Variants in TEX19 observed in about 807,000 individuals in gnomAD.
The protein encoded by TEX19 is testis-expressed protein 19.
For synonymous variants in TEX19, 77 were observed against 73.9 expected, an observed-to-expected ratio of 1.04 and a Z score of -0.21; for missense variants, 184 against 194.4, an observed-to-expected ratio of 0.95 and a Z score of 0.32.
In TEX19 at chr17:82,362,735, G is replaced by A; in HGVS notation, c.*90G>A. ...GGGCAGTGGACCCTGCCGAGGCTGA[G>A]GCCTAGTTACTGGCCCTGCAGCTTG... On this transcript the variant is annotated 3_prime_UTR_variant, in exon 2 of 2. Transcript: ENST00000333437. The surrounding 1 kb of genome is among the most constrained non-coding windows in gnomAD (Gnocchi z 5.5). 3 of 1,467,702 alleles carry A rather than the reference G, an allele frequency of 2.0e-6. No homozygotes were observed. Among genetic ancestry groups the A allele is most frequent in the Non-Finnish European group, 2.7e-6 (3 of 1,101,066 alleles). 90.9% of individuals were successfully genotyped at this position (1,467,702 alleles called of 1,614,324 possible). A position where few individuals can be genotyped will look rare whatever the true frequency, so the allele number is the denominator to read the frequency against.
In TEX19 at chr17:82,362,074, C is replaced by T. The variant is rs2052399108; in HGVS notation, c.-77C>T. The T allele has an allele frequency of 6.5e-7, 1 of 1,531,630 alleles. No individual in the cohort carries two copies. The highest frequency in any genetic ancestry group is 1.4e-5 in the African/African-American group (1 of 72,942). 94.9% of individuals were successfully genotyped at this position (1,531,630 alleles called of 1,614,324 possible). ...CCCAGCATCCTACTGGCCTCAGCAC[C>T]TGTGGCCAGACCGTCCAAGATCCTC... On this transcript the variant is annotated 5_prime_UTR_variant, in exon 2 of 2. Coordinates refer to ENST00000333437, the MANE Select transcript of TEX19 (RefSeq NM_207459.4). The surrounding 1 kb of genome is among the most constrained non-coding windows in gnomAD (Gnocchi z 5.5).
intron 1 of TEX19, 41 bp from the exon 2 acceptor site, chr17:82,361,839 C>A: frequency 2.9e-6 from 3 of 1,027,036 alleles, no homozygotes; most frequent in Non-Finnish European, 2.5e-6. Flanking sequence ...CCCCACCCTG[C>A]CTGCTGGGGG....
chr17:82,362,410 C>CA lies in TEX19; in HGVS notation c.261dup (p.Gly88ArgfsTer9), dbSNP rs1378677863. 1 of 1,612,956 alleles carries CA rather than the reference C, an allele frequency of 6.2e-7. No homozygotes were observed. The highest frequency in any genetic ancestry group is 1.3e-5 in the African/African-American group (1 of 74,916). Reference sequence around the variant, plus strand: ...ATGGAGCTGAGCTGGGGGCAGAGCCCAGGACAGCCTGTGCAGGGGGGCTCT... The same window carrying CA: ...ATGGAGCTGAGCTGGGGGCAGAGCCCAAGGACAGCCTGTGCAGGGGGGCTCT... On this transcript the variant is annotated frameshift_variant, in exon 2 of 2. Transcript: ENST00000333437. LOFTEE classifies it low-confidence loss of function (END_TRUNC). This position sits in a 1 kb window ranked among gnomAD's most constrained non-coding sequence, Gnocchi z 5.5.
At chr17:82,360,706 G>A (rs1359844007) in intron 1 of TEX19, among the ~76,000 whole-genome samples, 2 of 107,014 alleles carry the variant, frequency 1.9e-5, no homozygotes, top group African/African-American at 4.0e-5. Context: ...TTTCCCTCAG[G>A]TTCCCTCAGT....
intron 1 of TEX19, 190 bp from the exon 2 acceptor site, chr17:82,361,690 G>T (rs2052396080): frequency 1.0e-6 from 1 of 985,274 alleles, no homozygotes; most frequent in South Asian, 4.7e-5. Flanking sequence ...GGTGTAGGGG[G>T]TGGCTGATGA....
At chr17:82,361,661 G>A (rs2052395831) in intron 1 of TEX19, 1 of 985,244 alleles carries the variant, frequency 1.0e-6, no homozygotes, top group Non-Finnish European at 1.2e-6. Context: ...TGAAGCTGAT[G>A]GGCTGTTGGG....
At position 82,362,692 on chromosome 17, in the gene TEX19, T is replaced by C. The variant is rs747417035; in HGVS notation, c.*47T>C. ...CTGCCCCCAGGGGAGCCCGTGGTGT[T>C]GAAGCTGGGCATTACCTGGGCAGTG... On this transcript the variant is annotated 3_prime_UTR_variant, in exon 2 of 2. Coordinates refer to ENST00000333437, the MANE Select transcript of TEX19 (RefSeq NM_207459.4). This position sits in a 1 kb window ranked among gnomAD's most constrained non-coding sequence, Gnocchi z 5.5. 4.9e-5 allele frequency: 75 copies of C among 1,517,426 alleles called. No homozygotes were observed. Among genetic ancestry groups the C allele is most frequent in the Middle Eastern group, 1.8e-4 (1 of 5,632 alleles). 94.0% of individuals were successfully genotyped at this position (1,517,426 alleles called of 1,614,324 possible).
Position 82,362,438 on chromosome 17 carries a change from G to T in TEX19, c.288G>T (p.Glu96Asp). 6.2e-7 allele frequency: 1 copy of T among 1,612,824 alleles called. No homozygotes were observed. Among genetic ancestry groups the T allele is most frequent in the Non-Finnish European group, 8.5e-7 (1 of 1,179,862 alleles). ...SPGQPVQGGS[E>D]AWGPGTLAAA... ...GACAGCCTGTGCAGGGGGGCTCTGA[G>T]GCATGGGGGCCAGGGACCCTGGCAG... The change falls in exon 2 of 2, where the codon GAG (glutamate) becomes GAT (aspartate). Residue 96 changes from glutamate to aspartate, a missense_variant. By Grantham distance (45) the Glu-to-Asp change is conservative. Transcript: ENST00000333437. This position sits in a 1 kb window ranked among gnomAD's most constrained non-coding sequence, Gnocchi z 5.5.
chr17:82,362,834 G>T lies in TEX19; in HGVS notation c.*189G>T. On this transcript the variant is annotated 3_prime_UTR_variant, in exon 2 of 2. Coordinates refer to ENST00000333437, the MANE Select transcript of TEX19 (RefSeq NM_207459.4). This position sits in a 1 kb window ranked among gnomAD's most constrained non-coding sequence, Gnocchi z 5.5. ...CAGACAGGGCCCTGAGGACCCCAGG[G>T]CAGCACTGGAAATTGCTGCTGGAGC... 1 of 676,404 alleles carries T rather than the reference G, an allele frequency of 1.5e-6. No homozygotes were observed. The highest frequency in any genetic ancestry group is 2.3e-6 in the Non-Finnish European group (1 of 428,662). 41.9% of individuals were successfully genotyped at this position (676,404 alleles called of 1,614,324 possible).
chr17:82,363,075 C>T lies in TEX19; in HGVS notation c.*430C>T. The T allele has an allele frequency of 5.8e-6, 1 of 172,026 alleles. No homozygotes were observed. Among genetic ancestry groups the T allele is most frequent in the South Asian group, 2.0e-4 (1 of 5,038 alleles). The allele number at this position is 172,026 out of a possible 1,614,324, so 10.7% of individuals were successfully genotyped here. A position where few individuals can be genotyped will look rare whatever the true frequency, so the allele number is the denominator to read the frequency against. On this transcript the variant is annotated 3_prime_UTR_variant, in exon 2 of 2. Transcript: ENST00000333437. ...GAGACTCAGCCTGTAAGCCACAGTC[C>T]TCCAGCCAAGAACAGGATCTCAGCA...
chr17:82,360,514 T>G (rs949053101), intron 1 of TEX19, among the ~76,000 whole-genome samples: 33 of 85,248 alleles, frequency 3.9e-4, no homozygotes, highest in Non-Finnish European at 5.0e-4. Flanking sequence ...GTTCCCTCAG[T>G]TTCCCTCAGG....
At chr17:82,360,601 CCAGTTTCCCTCAGGTTCCCT>C (rs1599668356) in intron 1 of TEX19, among the ~76,000 whole-genome samples, 2 of 110,752 alleles carry the variant, frequency 1.8e-5, no homozygotes, top group African/African-American at 7.5e-5. Flanking sequence ...TCAGGTTCCC[CCAGTTTCCCTCAGGTTCCCT>C]CAGTTTCCCT....
In TEX19 at chr17:82,362,182, A is replaced by G; in HGVS notation, c.32A>G (p.Glu11Gly). Reference protein sequence around the residue: MCPPVSMRYEEEGMSYLYASW... With the variant: MCPPVSMRYEGEGMSYLYASW... The stretch of plus-strand genomic sequence containing the variant: ...CCTCCGGTCAGCATGCGGTATGAGG[A>G]AGAGGGCATGTCCTACCTCTACGCC... Residue 11 changes from glutamate to glycine, a missense_variant, in exon 2 of 2, where the codon GAA (glutamate) becomes GGA (glycine). Glu to Gly is a moderately conservative substitution (Grantham distance 98, BLOSUM62 -2). Coordinates refer to ENST00000333437, the MANE Select transcript of TEX19 (RefSeq NM_207459.4). The surrounding 1 kb of genome is among the most constrained non-coding windows in gnomAD (Gnocchi z 5.5). 1 of 1,612,698 alleles carries G rather than the reference A, an allele frequency of 6.2e-7. No individual in the cohort carries two copies. The highest frequency in any genetic ancestry group is 8.5e-7 in the Non-Finnish European group (1 of 1,179,700).
chr17:82,359,662 TTTCCCTCAGG>T (rs2052361932), intron 1 of TEX19, among the ~76,000 whole-genome samples: 2 of 100,236 alleles, frequency 2.0e-5, no homozygotes, highest in Non-Finnish European at 2.0e-5. Flanking sequence ...GTTCCCCCAG[TTTCCCTCAGG>T]TTCCCTCAGT....
rs1567854298 is a variant in TEX19 at position 82,362,771 on chromosome 17, G to A, written c.*126G>A. The A allele has an allele frequency of 2.5e-6, 3 of 1,207,418 alleles. No homozygotes were observed. Among genetic ancestry groups the A allele is most frequent in the East Asian group, 5.2e-5 (2 of 38,816 alleles). The allele number at this position is 1,207,418 out of a possible 1,614,324, so 74.8% of individuals were successfully genotyped here. On this transcript the variant is annotated 3_prime_UTR_variant, in exon 2 of 2. Coordinates refer to ENST00000333437, the MANE Select transcript of TEX19 (RefSeq NM_207459.4). This position sits in a 1 kb window ranked among gnomAD's most constrained non-coding sequence, Gnocchi z 5.5. Reference sequence around the variant, plus strand: ...TGGCCCTGCAGCTTGTCTCCATGGTGGGCTGCTATGATACCATCTACCTAC... The same window carrying A: ...TGGCCCTGCAGCTTGTCTCCATGGTAGGCTGCTATGATACCATCTACCTAC...
chr17:82,362,033 C>G lies in TEX19; in HGVS notation c.-118C>G, dbSNP rs1337935420. The G allele has an allele frequency of 7.4e-7, 1 of 1,346,182 alleles. No homozygotes were observed. Among genetic ancestry groups the G allele is most frequent in the Admixed American group, 2.3e-5 (1 of 44,226 alleles). The allele number at this position is 1,346,182 out of a possible 1,614,324, so 83.4% of individuals were successfully genotyped here. ...CCCCTTTCTCCTCCTGCTCCTTGTC[C>G]CCTTCATCCCTGCCGCCCAGCATCC... On this transcript the variant is annotated 5_prime_UTR_variant, in exon 2 of 2. Transcript: ENST00000333437. This position sits in a 1 kb window ranked among gnomAD's most constrained non-coding sequence, Gnocchi z 5.5.
At chr17:82,360,763 C>T (rs148771488) in intron 1 of TEX19, among the ~76,000 whole-genome samples, 5,500 of 33,440 alleles carry the variant, frequency 0.16, 491 homozygotes, top group Non-Finnish European at 0.2. Context: ...TCAGGTTCCC[C>T]CAGTTTCCCT....
Position 82,362,623 on chromosome 17 carries a change from G to A in TEX19, c.473G>A (p.Trp158Ter). 1 of 1,555,218 alleles carries A rather than the reference G, an allele frequency of 6.4e-7. No homozygotes were observed. Among genetic ancestry groups the A allele is most frequent in the African/African-American group, 1.4e-5 (1 of 72,540 alleles). Reference sequence around the variant, plus strand: ...GAGGAGCTTCTTACCTGCTCACACTGGCCAAGCTTCTTTCCTTCATAGCAG... The same window carrying A: ...GAGGAGCTTCTTACCTGCTCACACTAGCCAAGCTTCTTTCCTTCATAGCAG... ...RFEELLTCSHWPSFFPS is the reference protein window; with the variant it reads ...RFEELLTCSH Residue 158 changes from tryptophan (W) to a stop codon, truncating the protein, a stop_gained, in exon 2 of 2, where the codon TGG becomes TAG. Coordinates refer to ENST00000333437, the MANE Select transcript of TEX19 (RefSeq NM_207459.4). LOFTEE classifies it low-confidence loss of function (END_TRUNC). The surrounding 1 kb of genome is among the most constrained non-coding windows in gnomAD (Gnocchi z 5.5).
chr17:82,360,077 A>C (rs1278756433), intron 1 of TEX19, among the ~76,000 whole-genome samples: 2 of 32,864 alleles, frequency 6.1e-5, no homozygotes, highest in Non-Finnish European at 1.1e-4. Context: ...AGTTTCCCTC[A>C]AGTTTCCCTC....
Sources: allele counts gnomAD v4.1 joint callset (sites outside exome capture counted in the v4.1 genomes callset), GRCh38; gene constraint gnomAD v4.1.1; non-coding constraint Gnocchi (gnomAD v3.1); transcripts MANE v1.5; gene names NCBI Gene and HGNC (gene_info 2026-07-23, HGNC 2026-07-21).